CD2AP: variants seen among roughly 807,000 people sequenced by gnomAD.
CD2AP encodes CD2 associated protein, also known as CD2-associated protein.
Under a neutral mutation model 85.1 loss-of-function variants are expected in CD2AP, and 46 were observed. The ratio of observed to expected loss-of-function variants is 0.54; its 90% CI spans 0.43 to 0.69. The LOEUF is 0.69. Among genes scored for constraint, CD2AP ranks in the 30% least tolerant of loss-of-function variants. CD2AP has a pLI of 0.00. For missense variants in CD2AP, 769 were observed against 729.5 expected, an observed-to-expected ratio of 1.05 and a Z score of -0.62; for synonymous variants, 255 against 252.9, an observed-to-expected ratio of 1.01 and a Z score of -0.08.
chr6:47,576,178 C>T (rs1044014330), intron 6 of CD2AP, among the ~76,000 whole-genome samples: 2 of 152,132 alleles, frequency 1.3e-5, no homozygotes, highest in Admixed American at 1.3e-4. Context: ...TGGTTTCATG[C>T]AGTTCTCCTG....
rs367952819 is a variant in CD2AP, at chr6:47,503,301, A to G, written c.26A>G (p.Asp9Gly). The G allele has an allele frequency of 7.3e-5, 117 of 1,613,788 alleles. No homozygotes were observed. The highest frequency in any genetic ancestry group is 3.6e-4 in the South Asian group (33 of 91,070). The change falls in exon 2 of 18, where the codon GAC (aspartate) becomes GGC (glycine). Residue 9 changes from aspartate to glycine, a missense_variant. Asp to Gly is a moderately conservative substitution (Grantham distance 94). Coordinates refer to ENST00000359314, the MANE Select transcript of CD2AP (RefSeq NM_012120.3). MVDYIVEY[D>G]YDAVHDDELT... ...TTAGTTGACTATATTGTGGAGTATG[A>G]CTATGATGCTGTACATGATGATGAA...
intron 1 of CD2AP, among the ~76,000 whole-genome samples, chr6:47,491,869 C>T (rs112239341): frequency 1.9e-3 from 290 of 152,060 alleles, no homozygotes; most frequent in African/African-American, 6.8e-3. Context: ...GAATACCTCA[C>T]CAGCACCCCC....
chr6:47,604,342 G>A (rs1769215204), intron 13 of CD2AP, among the ~76,000 whole-genome samples: 2 of 152,020 alleles, frequency 1.3e-5, no homozygotes, highest in Admixed American at 6.6e-5. Flanking sequence ...GAGAGTTTTA[G>A]AATAGTAAAG....
intron 11 of CD2AP, among the ~76,000 whole-genome samples, chr6:47,590,121 C>CACAT (rs2114121838): frequency 6.6e-6 from 1 of 152,000 alleles, no homozygotes; most frequent in Admixed American, 6.6e-5. Context: ...ATAGATATGA[C>CACAT]ACATGGCTAG....
chr6:47,558,799 C>T (rs1310225576), intron 5 of CD2AP, among the ~76,000 whole-genome samples: 1 of 152,030 alleles, frequency 6.6e-6, no homozygotes, highest in African/African-American at 2.4e-5. Context: ...TTTGTTGTGT[C>T]CGTGCCAAGT....
At chr6:47,481,186 A>G (rs1765432699) in intron 1 of CD2AP, among the ~76,000 whole-genome samples, 1 of 152,228 alleles carries the variant, frequency 6.6e-6, no homozygotes, top group Non-Finnish European at 1.5e-5. Flanking sequence ...TTTCTAGAGC[A>G]CAAAAAAGGA....
Position 47,554,780 on chromosome 6 carries a change from T to C in CD2AP, c.541+14T>C. The stretch of plus-strand genomic sequence containing the variant: ...AGGACGATTCAGGTAGACTATTTTT[T>C]AAAATTTTTAATTGATTTAAATAAA... On this transcript the variant is annotated intron_variant, in intron 5 of 17. Transcript: ENST00000359314. 1.3e-6 allele frequency: 2 copies of C among 1,589,770 alleles called. No homozygotes were observed. Among genetic ancestry groups the C allele is most frequent in the Non-Finnish European group, 1.7e-6 (2 of 1,166,188 alleles).
intron 4 of CD2AP, 88 bp from the exon 5 acceptor site, chr6:47,554,558 G>T (rs1767623915): frequency 7.2e-7 from 1 of 1,397,892 alleles, no homozygotes; most frequent in Middle Eastern, 1.8e-4. Flanking sequence ...TTTTGTGCCT[G>T]TTTGCTTTTG....
At chr6:47,607,104 C>CTAG in intron 14 of CD2AP, among the ~76,000 whole-genome samples, 1 of 152,218 alleles carries the variant, frequency 6.6e-6, no homozygotes, top group Admixed American at 6.5e-5. Context: ...ATAATGAACT[C>CTAG]TAGTTCCATC....
At chr6:47,564,196 A>G (rs1193379139) in intron 5 of CD2AP, among the ~76,000 whole-genome samples, 1 of 152,174 alleles carries the variant, frequency 6.6e-6, no homozygotes, top group Non-Finnish European at 1.5e-5. Context: ...TGGGGCATTC[A>G]TCTCTTAGCA....
chr6:47,517,355 A>C (rs1766478926), intron 2 of CD2AP, among the ~76,000 whole-genome samples: 1 of 150,832 alleles, frequency 6.6e-6, no homozygotes, highest in African/African-American at 2.4e-5. Flanking sequence ...CGGTGCGATC[A>C]CAGCTCGCTG....
Position 47,574,252 on chromosome 6 carries a change from G to A in CD2AP, c.729+1G>A. Reference sequence around the variant, plus strand: ...AACAGAAGAGAAAAAACCAGAAAAGGTGGTAATGATGGACTTGTTAGATTA... The same window carrying A: ...AACAGAAGAGAAAAAACCAGAAAAGATGGTAATGATGGACTTGTTAGATTA... On this transcript the variant is annotated splice_donor_variant, in intron 6 of 17. Coordinates refer to ENST00000359314, the MANE Select transcript of CD2AP (RefSeq NM_012120.3). LOFTEE classifies it high-confidence loss of function. 1.9e-6 allele frequency: 3 copies of A among 1,613,160 alleles called. No individual in the cohort carries two copies. Among genetic ancestry groups the A allele is most frequent in the Non-Finnish European group, 2.5e-6 (3 of 1,179,264 alleles).
At chr6:47,585,448 A>T (rs140105501) in intron 11 of CD2AP, among the ~76,000 whole-genome samples, 1 of 152,334 alleles carries the variant, frequency 6.6e-6, no homozygotes, top group East Asian at 1.9e-4. Flanking sequence ...TGGCTTTCAC[A>T]TATCGGACAT....
chr6:47,617,358 A>G (rs538951473), intron 17 of CD2AP, among the ~76,000 whole-genome samples: 2 of 152,116 alleles, frequency 1.3e-5, no homozygotes, highest in South Asian at 4.2e-4. Context: ...ATTCATCTAT[A>G]CTCATGAATC....
intron 8 of CD2AP, among the ~76,000 whole-genome samples, chr6:47,577,702 C>T (rs1030194050): frequency 6.6e-6 from 1 of 152,186 alleles, no homozygotes; most frequent in Middle Eastern, 3.4e-3. Context: ...TTTGTTTTTG[C>T]TATAACCCTG....
chr6:47,513,373 C>G lies in CD2AP; in HGVS notation c.165+9933C>G, dbSNP rs550823634. On this transcript the variant is annotated intron_variant, in intron 2 of 17. Coordinates refer to ENST00000359314, the MANE Select transcript of CD2AP (RefSeq NM_012120.3). ...CTGCTTGGGCAGTCTAAGTTATTGCCTATCTATGTAGGTTCTAGTTATTAT... is the reference window on the plus strand; with the variant it reads ...CTGCTTGGGCAGTCTAAGTTATTGCGTATCTATGTAGGTTCTAGTTATTAT... Among the ~76,000 whole-genome samples the G allele has an allele frequency of 3.9e-4, 59 of 151,104 alleles. No individual in the cohort carries two copies. In the South Asian group the frequency reaches 0.012, roughly 30 times the overall value.
intron 13 of CD2AP, among the ~76,000 whole-genome samples, 178 bp from the exon 14 acceptor site, chr6:47,605,987 T>C (rs969045361): frequency 6.6e-6 from 1 of 150,810 alleles, no homozygotes; most frequent in Non-Finnish European, 1.5e-5. Flanking sequence ...TTTTTTTTTT[T>C]CTTTTAAGGG....
At chr6:47,505,597 C>A (rs1304517667) in intron 2 of CD2AP, among the ~76,000 whole-genome samples, 1 of 129,134 alleles carries the variant, frequency 7.7e-6, no homozygotes, top group Non-Finnish European at 1.7e-5. Flanking sequence ...ACCTCCCGGA[C>A]GGGGCGGCTG....
rs115696894 is a variant in CD2AP, at chr6:47,581,206, A to G, written c.1045+306A>G. Reference sequence around the variant, plus strand: ...ATTGACCTGGCCAACTAGTTATTCTACCGTTTCAAATGAAATCCATTTGTT... The same window carrying G: ...ATTGACCTGGCCAACTAGTTATTCTGCCGTTTCAAATGAAATCCATTTGTT... On this transcript the variant is annotated intron_variant, in intron 10 of 17. Coordinates refer to ENST00000359314, the MANE Select transcript of CD2AP (RefSeq NM_012120.3). 8.0e-3 allele frequency among the ~76,000 whole-genome samples: 1,212 copies of G among 152,254 alleles called. 14 individuals carry two copies. Among genetic ancestry groups the G allele is most frequent in the African/African-American group, 0.027 (1,127 of 41,564 alleles).
Sources: gnomAD v4.1 joint callset for allele counts (sites outside exome capture counted in the v4.1 genomes callset) on GRCh38, gnomAD v4.1.1 for gene constraint, MANE v1.5 for transcripts, NCBI Gene and HGNC (gene_info 2026-07-23, HGNC 2026-07-21) for gene names.